Variants in CLVS1 observed in about 807,000 individuals in gnomAD.
CLVS1 encodes clavesin-1.
CLVS1 carries 10 observed loss-of-function variants against 33.1 expected under a neutral mutation model. That is an observed-to-expected ratio of 0.30 (90% CI 0.19 to 0.51). The LOEUF (loss-of-function observed/expected upper bound fraction) is 0.51, where lower values mean the gene tolerates loss of function less well. Among genes scored for constraint, CLVS1 ranks in the 20% least tolerant of loss-of-function variants. The pLI, the probability that CLVS1 is intolerant of heterozygous loss-of-function variation, is 0.97. For synonymous variants in CLVS1, 163 were observed against 166.1 expected (o/e 0.98, Z 0.14); for missense variants, 343 against 433.4 (o/e 0.79, Z 1.85).
intron 2 of CLVS1, among the ~76,000 whole-genome samples, chr8:61,305,510 T>C (rs748588245): frequency 4.6e-5 from 7 of 152,146 alleles, no homozygotes; most frequent in Non-Finnish European, 8.8e-5. Flanking sequence ...CAGAATTCAT[T>C]CTTTTTATGG....
chr8:61,290,209 G>A (rs1199304443), intron 1 of CLVS1, among the ~76,000 whole-genome samples: 1 of 152,132 alleles, frequency 6.6e-6, no homozygotes, highest in Non-Finnish European at 1.5e-5. Context: ...TGGGGCTGGG[G>A]AAATTTTAAA....
chr8:61,237,718 G>A (rs1362440761), intron 2 of CLVS1, among the ~76,000 whole-genome samples: 3 of 152,186 alleles, frequency 2.0e-5, no homozygotes, highest in African/African-American at 4.8e-5. Flanking sequence ...GGAGAGGTGT[G>A]AGGAGGGCCC....
At chr8:61,285,965 T>G (rs537110553), upstream of CLVS1, among the ~76,000 whole-genome samples, 1,568 of 152,050 alleles carry the variant, frequency 0.01, 13 homozygotes, top group Non-Finnish European at 0.016. Flanking sequence ...TGTAGTTTTT[T>G]TTTTTTTTTT....
chr8:61,111,161 A>T (rs554264587), intron 1 of CLVS1, among the ~76,000 whole-genome samples: 1 of 152,226 alleles, frequency 6.6e-6, no homozygotes, highest in Non-Finnish European at 1.5e-5. Flanking sequence ...AAAAGTAGGA[A>T]TTCCTGAAAA....
chr8:61,113,070 C>T (rs931408155), intron 1 of CLVS1, among the ~76,000 whole-genome samples: 3 of 152,254 alleles, frequency 2.0e-5, no homozygotes, highest in Non-Finnish European at 2.9e-5. Context: ...GCGGCCCTCA[C>T]TGTGGTTATC....
At chr8:61,489,601 C>T (rs541368795) in intron 5 of CLVS1, among the ~76,000 whole-genome samples, 8 of 152,088 alleles carry the variant, frequency 5.3e-5, no homozygotes, top group Non-Finnish European at 1.2e-4. Context: ...GATAATGCGA[C>T]GAAATACTTA....
intron 2 of CLVS1, among the ~76,000 whole-genome samples, chr8:61,347,570 C>G (rs1034432623): frequency 1.4e-5 from 2 of 139,672 alleles, no homozygotes; most frequent in African/African-American, 5.4e-5. Context: ...ACATGTTGTA[C>G]ATGTTTGTTA....
At chr8:61,455,562 G>C (rs1817119637) in intron 4 of CLVS1, among the ~76,000 whole-genome samples, 1 of 152,156 alleles carries the variant, frequency 6.6e-6, no homozygotes, top group East Asian at 1.9e-4. Flanking sequence ...AGACTGCATA[G>C]TATTCCTCTC....
intron 2 of CLVS1, among the ~76,000 whole-genome samples, chr8:61,211,820 G>A (rs1051849760): frequency 1.3e-5 from 2 of 152,176 alleles, no homozygotes; most frequent in African/African-American, 4.8e-5. Flanking sequence ...TATTATAGGA[G>A]GGAAGCAGAA....
At chr8:61,177,245 G>C (rs1328409036) in intron 2 of CLVS1, among the ~76,000 whole-genome samples, 5 of 152,036 alleles carry the variant, frequency 3.3e-5, no homozygotes, top group Non-Finnish European at 7.4e-5. Flanking sequence ...CTTCAGGCCG[G>C]ACACTGGCCC....
At chr8:61,336,203 C>T (rs557567001) in intron 2 of CLVS1, among the ~76,000 whole-genome samples, 16 of 152,288 alleles carry the variant, frequency 1.1e-4, no homozygotes, top group African/African-American at 3.1e-4. Flanking sequence ...ACCATATATC[C>T]TCCTTGAGAA....
the CLVS1 span, among the ~76,000 whole-genome samples, chr8:61,051,083 C>T: frequency 6.6e-6 from 1 of 152,162 alleles, no homozygotes. Flanking sequence ...TGCAGCATGG[C>T]TTCATTATCT....
At chr8:61,330,570 G>A (rs1204181197) in intron 2 of CLVS1, among the ~76,000 whole-genome samples, 1 of 152,128 alleles carries the variant, frequency 6.6e-6, no homozygotes, top group Non-Finnish European at 1.5e-5. Flanking sequence ...TCTCCTCTCA[G>A]TTTGGTCAAA....
chr8:60,996,642 T>C, the CLVS1 span, among the ~76,000 whole-genome samples: 1 of 152,186 alleles, frequency 6.6e-6, no homozygotes, highest in South Asian at 2.1e-4. Context: ...GGTTCCCAGG[T>C]GACGAATGCC....
chr8:61,007,737 C>T, the CLVS1 span, among the ~76,000 whole-genome samples: 8 of 152,166 alleles, frequency 5.3e-5, no homozygotes, highest in South Asian at 2.1e-4. Flanking sequence ...GGACACAAAC[C>T]GGCACAGAAA....
At chr8:61,079,532 A>G (rs1361549075) in intron 1 of CLVS1, among the ~76,000 whole-genome samples, 1 of 152,190 alleles carries the variant, frequency 6.6e-6, no homozygotes, top group Non-Finnish European at 1.5e-5. Flanking sequence ...AGTTCCAGGA[A>G]CATACTGCCA....
intron 2 of CLVS1, among the ~76,000 whole-genome samples, chr8:61,247,035 A>G (rs962772842): frequency 1.3e-5 from 2 of 152,066 alleles, no homozygotes; most frequent in African/African-American, 4.8e-5. Context: ...TTTAGCTCCC[A>G]CTTATAAGTG....
At chr8:61,374,443 GT>G (rs1424608752) in intron 2 of CLVS1, among the ~76,000 whole-genome samples, 1 of 152,044 alleles carries the variant, frequency 6.6e-6, no homozygotes, top group Non-Finnish European at 1.5e-5. Context: ...ATCATTTCCG[GT>G]TTACCAATTG....
At position 61,241,586 on chromosome 8, in the gene CLVS1, G is replaced by T. The variant is rs549541709; in HGVS notation, c.-151-58091G>T. ...TACAAAGATAAAAGTAGGCTTACAG[G>T]TTTATTTACCTTCTCTCCACCATTT... On this transcript the variant is annotated intron_variant, in intron 2 of 2. Coordinates refer to the CLVS1 transcript ENST00000522621. Among the ~76,000 whole-genome samples the T allele has an allele frequency of 2.2e-4, 34 of 152,102 alleles. No homozygotes were observed. In the South Asian group the frequency reaches 7.1e-3, roughly 32 times the overall value.
Sources: allele counts gnomAD v4.1 joint callset (sites outside exome capture counted in the v4.1 genomes callset), GRCh38; gene constraint gnomAD v4.1.1; transcripts MANE v1.5; gene names NCBI Gene and HGNC (gene_info 2026-07-23, HGNC 2026-07-21).